The following NCAM2 variants were observed in gnomAD, a reference collection of about 807,000 sequenced individuals.
NCAM2 encodes the protein N-CAM-2.
A neutral mutation model predicts 98.1 loss-of-function variants in NCAM2; 30 were observed. The ratio of observed to expected loss-of-function variants is 0.31; its 90% CI spans 0.23 to 0.41. The LOEUF is 0.41. NCAM2 is among the 10% of genes least tolerant of loss of function. NCAM2 has a pLI of 1.00. For synonymous variants in NCAM2, 368 were observed against 342.4 expected (o/e 1.07, Z -0.83); for missense variants, 867 against 1,005.8 (o/e 0.86, Z 1.87).
At chr21:21,116,868 AAAAG>A (rs1337492151) in intron 1 of NCAM2, among the ~76,000 whole-genome samples, 5 of 152,096 alleles carry the variant, frequency 3.3e-5, no homozygotes, top group African/African-American at 1.2e-4. Context: ...AGAAAAAAAA[AAAAG>A]AAAAGAAATA....
intron 1 of NCAM2, among the ~76,000 whole-genome samples, chr21:21,266,586 C>T (rs1180036553): frequency 1.3e-5 from 2 of 151,998 alleles, no homozygotes; most frequent in Non-Finnish European, 2.9e-5. Flanking sequence ...ATGGATGAAG[C>T]TGGAAACCAT....
At chr21:21,114,472 A>G (rs2146538437) in intron 1 of NCAM2, among the ~76,000 whole-genome samples, 1 of 152,300 alleles carries the variant, frequency 6.6e-6, no homozygotes, top group East Asian at 1.9e-4. Context: ...ACCTCCTGGG[A>G]TATACTCCTT....
At chr21:21,391,922 T>A (rs1345727599) in intron 9 of NCAM2, among the ~76,000 whole-genome samples, 1 of 149,852 alleles carries the variant, frequency 6.7e-6, no homozygotes, top group Non-Finnish European at 1.5e-5. Flanking sequence ...TTCAGTCTAA[T>A]GCCAAAAAAA....
intron 16 of NCAM2, among the ~76,000 whole-genome samples, chr21:21,526,276 G>A (rs1031807301): frequency 6.6e-6 from 1 of 151,932 alleles, no homozygotes; most frequent in Non-Finnish European, 1.5e-5. Flanking sequence ...CAAGGTTGCA[G>A]GATAAAAGAT....
At chr21:21,180,034 C>T (rs576116906) in intron 1 of NCAM2, among the ~76,000 whole-genome samples, 1 of 152,312 alleles carries the variant, frequency 6.6e-6, no homozygotes, top group African/African-American at 2.4e-5. Context: ...GTGCCACTTG[C>T]CATCTGGGAG....
chr21:21,511,165 A>G (rs1387210716), intron 16 of NCAM2, among the ~76,000 whole-genome samples: 1 of 151,994 alleles, frequency 6.6e-6, no homozygotes, highest in Non-Finnish European at 1.5e-5. Flanking sequence ...TATCTGATAC[A>G]TTATTTTTGG....
At chr21:21,141,202 A>G (rs1401356102) in intron 1 of NCAM2, among the ~76,000 whole-genome samples, 2 of 152,206 alleles carry the variant, frequency 1.3e-5, no homozygotes, top group East Asian at 3.9e-4. Context: ...GAAATTTTGT[A>G]AAGTTGCTAC....
At chr21:21,362,356 C>G (rs1350935046) in intron 8 of NCAM2, among the ~76,000 whole-genome samples, 1 of 151,928 alleles carries the variant, frequency 6.6e-6, no homozygotes, top group Non-Finnish European at 1.5e-5. Flanking sequence ...ACCACTTTTC[C>G]ATTTGCTGTG....
chr21:21,513,362 G>A (rs544232585), intron 16 of NCAM2, among the ~76,000 whole-genome samples: 8 of 152,080 alleles, frequency 5.3e-5, no homozygotes, highest in Non-Finnish European at 1.0e-4. Context: ...TACTACTTTT[G>A]CAGTATCCAA....
intron 16 of NCAM2, among the ~76,000 whole-genome samples, chr21:21,518,476 C>T (rs1988835073): frequency 6.6e-6 from 1 of 151,948 alleles, no homozygotes; most frequent in Non-Finnish European, 1.5e-5. Context: ...TTGCTTTCTT[C>T]GTCATTGCCT....
intron 1 of NCAM2, among the ~76,000 whole-genome samples, chr21:21,003,468 A>G (rs2064056761): frequency 6.6e-6 from 1 of 152,156 alleles, no homozygotes; most frequent in Non-Finnish European, 1.5e-5. Flanking sequence ...ATGCTCTTAG[A>G]ACCACTATTT....
chr21:21,485,255 A>G (rs1311842845), intron 15 of NCAM2, among the ~76,000 whole-genome samples: 1 of 152,162 alleles, frequency 6.6e-6, no homozygotes, highest in Admixed American at 6.5e-5. Context: ...CAATTTTCCC[A>G]GAATGAATGT....
At chr21:21,188,006 G>A (rs571204481) in intron 1 of NCAM2, among the ~76,000 whole-genome samples, 164 of 152,248 alleles carry the variant, frequency 1.1e-3, no homozygotes, top group African/African-American at 3.8e-3. Context: ...AAAAATGGAG[G>A]ATATTCATTT....
At chr21:21,066,983 A>G (rs1053571227) in intron 1 of NCAM2, among the ~76,000 whole-genome samples, 1 of 152,052 alleles carries the variant, frequency 6.6e-6, no homozygotes, top group African/African-American at 2.4e-5. Context: ...ACTAAATGTT[A>G]TATTGCTACT....
chr21:21,285,499 C>G (rs1448915754), intron 3 of NCAM2, among the ~76,000 whole-genome samples: 4 of 151,778 alleles, frequency 2.6e-5, no homozygotes, highest in Non-Finnish European at 5.9e-5. Flanking sequence ...TTCACAATAG[C>G]AAATAATTAA....
rs946868539 is a variant in NCAM2, at chr21:21,542,155, AT to A, written c.*4201del. On this transcript the variant is annotated 3_prime_UTR_variant, in exon 18 of 18. Coordinates refer to ENST00000400546, the MANE Select transcript of NCAM2 (RefSeq NM_004540.5). ...AAACAATTTTATGTCCAAATGAGAA[AT>A]TTATAAAAAGACCCACATATAGTAG... 1 of 151,866 alleles carries A rather than the reference AT, an allele frequency of 6.6e-6. No individual in the cohort carries two copies. Among genetic ancestry groups the A allele is most frequent in the African/African-American group, 2.4e-5 (1 of 41,430 alleles). 9.4% of individuals were successfully genotyped at this position (151,866 alleles called of 1,614,324 possible). A position where few individuals can be genotyped will look rare whatever the true frequency, so the allele number is the denominator to read the frequency against.
At chr21:21,266,475 A>C (rs2072278494) in intron 1 of NCAM2, among the ~76,000 whole-genome samples, 1 of 152,122 alleles carries the variant, frequency 6.6e-6, no homozygotes, top group African/African-American at 2.4e-5. Flanking sequence ...ACCAACCCAA[A>C]TGTCCATAAA....
chr21:21,531,349 A>C (rs1382795542), intron 16 of NCAM2, among the ~76,000 whole-genome samples: 3 of 152,156 alleles, frequency 2.0e-5, no homozygotes, highest in Non-Finnish European at 4.4e-5. Context: ...TCCAAATGTA[A>C]ATTCTCCATG....
chr21:21,092,877 T>C (rs1023087237), intron 1 of NCAM2, among the ~76,000 whole-genome samples: 1 of 152,008 alleles, frequency 6.6e-6, no homozygotes, highest in Non-Finnish European at 1.5e-5. Context: ...TTAAGCAAAA[T>C]TTTATTAATA....
Sources: gnomAD v4.1 joint callset for allele counts (sites outside exome capture counted in the v4.1 genomes callset) on GRCh38, gnomAD v4.1.1 for gene constraint, MANE v1.5 for transcripts, NCBI Gene and HGNC (gene_info 2026-07-23, HGNC 2026-07-21) for gene names.